PTPRT: variants seen among roughly 807,000 people sequenced by gnomAD.
PTPRT encodes receptor-type tyrosine-protein phosphatase T.
Under a neutral mutation model 176.8 loss-of-function variants are expected in PTPRT, and 56 were observed. That is an observed-to-expected ratio of 0.32 (90% CI 0.26 to 0.40). The LOEUF (loss-of-function observed/expected upper bound fraction) is 0.40. Among genes scored for constraint, PTPRT ranks in the 10% least tolerant of loss-of-function variants. The pLI is 1.00. For synonymous variants in PTPRT, 783 were observed against 739.0 expected (o/e 1.06, Z -0.96); for missense variants, 1,540 against 1,908.2 (o/e 0.81, Z 3.60).
intron 2 of PTPRT, among the ~76,000 whole-genome samples, chr20:42,835,951 C>G (rs552015054): frequency 1.3e-5 from 2 of 152,104 alleles, no homozygotes; most frequent in Admixed American, 6.5e-5. Context: ...AAGGTTTCTA[C>G]GAGATAGCAC....
At chr20:42,289,401 C>T (rs2057283147) in intron 12 of PTPRT, among the ~76,000 whole-genome samples, 1 of 151,644 alleles carries the variant, frequency 6.6e-6, no homozygotes, top group African/African-American at 2.4e-5. Flanking sequence ...GACTAGTATC[C>T]AGAATCTGTA....
chr20:42,449,603 T>C (rs6130133), intron 8 of PTPRT, among the ~76,000 whole-genome samples: 33,973 of 152,112 alleles, frequency 0.22, 3,866 homozygotes, highest in Middle Eastern at 0.32. Flanking sequence ...ATAAGAGAAC[T>C]GAGGCTGAGA....
chr20:42,194,707 C>A (rs984612214), intron 16 of PTPRT, among the ~76,000 whole-genome samples: 1 of 152,180 alleles, frequency 6.6e-6, no homozygotes, highest in African/African-American at 2.4e-5. Context: ...GCTAGCATTT[C>A]TCTAAATGGA....
intron 9 of PTPRT, among the ~76,000 whole-genome samples, chr20:42,424,014 T>C (rs764965576): frequency 6.6e-6 from 1 of 152,252 alleles, no homozygotes; most frequent in Non-Finnish European, 1.5e-5. Flanking sequence ...AACTAACTTT[T>C]TAAAACAAAT....
chr20:42,342,000 A>T (rs75273744), intron 11 of PTPRT, among the ~76,000 whole-genome samples: 3,277 of 152,336 alleles, frequency 0.022, 44 homozygotes, highest in Middle Eastern at 0.037. Flanking sequence ...GGAGCCTTAT[A>T]AAAGGGGACC....
At chr20:42,582,004 A>G (rs1441510549) in intron 7 of PTPRT, among the ~76,000 whole-genome samples, 3 of 152,226 alleles carry the variant, frequency 2.0e-5, no homozygotes, top group Admixed American at 6.5e-5. Flanking sequence ...AGGGGCTGGA[A>G]TGCTGGCTTT....
At chr20:42,094,150 CT>C (rs917954364) in intron 27 of PTPRT, among the ~76,000 whole-genome samples, 71 of 152,280 alleles carry the variant, frequency 4.7e-4, no homozygotes, top group African/African-American at 1.7e-3. Flanking sequence ...GAAAGTCATC[CT>C]CTGTGCCTGA....
intron 9 of PTPRT, among the ~76,000 whole-genome samples, chr20:42,422,619 C>T (rs1432084599): frequency 3.3e-5 from 5 of 152,158 alleles, no homozygotes; most frequent in African/African-American, 1.2e-4. Flanking sequence ...GTTAATTCAG[C>T]CATTGTGGAA....
intron 1 of PTPRT, among the ~76,000 whole-genome samples, chr20:43,086,801 T>C (rs2011617790): frequency 6.6e-6 from 1 of 152,080 alleles, no homozygotes; most frequent in Admixed American, 6.5e-5. Flanking sequence ...AACCGGGGGC[T>C]GGGAGGGAAG....
intron 2 of PTPRT, among the ~76,000 whole-genome samples, chr20:42,808,046 G>T (rs1196093218): frequency 6.6e-6 from 1 of 152,172 alleles, no homozygotes; most frequent in Non-Finnish European, 1.5e-5. Flanking sequence ...CTGCCTTTCT[G>T]AGAGCTGCAC....
In PTPRT at chr20:43,019,115, T is replaced by C. The variant is rs140427541; in HGVS notation, c.89-133183A>G. Among the ~76,000 whole-genome samples the C allele has an allele frequency of 3.3e-5, 5 of 152,340 alleles. 1 individual carries two copies. The highest frequency in any genetic ancestry group is 1.2e-4 in the African/African-American group (5 of 41,588). The stretch of plus-strand genomic sequence containing the variant: ...ATTATACTATATCTAGGTAATAGAA[T>C]ACAATACACTCAATAAAAGGAGTGA... On this transcript the variant is annotated intron_variant, in intron 1 of 30. Coordinates refer to ENST00000373187, the MANE Select transcript of PTPRT (RefSeq NM_007050.6).
chr20:42,065,466 A>G, the PTPRT span, among the ~76,000 whole-genome samples: 11 of 152,362 alleles, frequency 7.2e-5, no homozygotes, highest in Non-Finnish European at 1.0e-4. Flanking sequence ...AAGAACCACA[A>G]TGGTTTATTT....
intron 1 of PTPRT, among the ~76,000 whole-genome samples, chr20:42,890,471 A>T (rs949760069): frequency 6.6e-6 from 1 of 152,136 alleles, no homozygotes; most frequent in Non-Finnish European, 1.5e-5. Context: ...ATTGCAATGA[A>T]CCTTCCACTT....
rs1392865433 is a variant in PTPRT, at chr20:42,110,496, A to G, written c.3100-9T>C. The G allele has an allele frequency of 6.3e-7, 1 of 1,591,866 alleles. No individual in the cohort carries two copies. Among genetic ancestry groups the G allele is most frequent in the East Asian group, 2.2e-5 (1 of 44,546 alleles). ...ATCTCATGGTAGCCTTTCTGAGGAA[A>G]GAACGGGCCTCTGTTCTTCCAGCTG... On this transcript the variant is annotated splice_polypyrimidine_tract_variant and intron_variant, in intron 22 of 30. Coordinates refer to ENST00000373187, the MANE Select transcript of PTPRT (RefSeq NM_007050.6).
At chr20:42,434,865 T>G (rs1044037713) in intron 9 of PTPRT, among the ~76,000 whole-genome samples, 1 of 152,018 alleles carries the variant, frequency 6.6e-6, no homozygotes. Flanking sequence ...CTCAGGAGGC[T>G]GAGGCATAAG....
chr20:42,041,168 G>A, the PTPRT span, among the ~76,000 whole-genome samples: 3 of 152,160 alleles, frequency 2.0e-5, no homozygotes, highest in Non-Finnish European at 4.4e-5. Flanking sequence ...TAGATTGCTG[G>A]TGCTGAATAA....
intron 1 of PTPRT, among the ~76,000 whole-genome samples, chr20:42,930,023 G>A (rs1600567297): frequency 6.6e-6 from 1 of 152,182 alleles, no homozygotes; most frequent in African/African-American, 2.4e-5. Context: ...GCTGTAGGCG[G>A]CTGCCATTCA....
At chr20:42,179,293 A>C (rs1160198083) in intron 16 of PTPRT, among the ~76,000 whole-genome samples, 1 of 152,186 alleles carries the variant, frequency 6.6e-6, no homozygotes, top group African/African-American at 2.4e-5. Flanking sequence ...CACTTAATAA[A>C]AGTTTTTTAA....
chr20:42,074,147 C>T lies in PTPRT; in HGVS notation c.*6732G>A, dbSNP rs929373115. 2.2e-5 allele frequency: 5 copies of T among 228,086 alleles called. No homozygotes were observed. The highest frequency in any genetic ancestry group is 3.5e-5 in the Non-Finnish European group (4 of 114,830). 14.1% of individuals were successfully genotyped at this position (228,086 alleles called of 1,614,324 possible). A position where few individuals can be genotyped will look rare whatever the true frequency, so the allele number is the denominator to read the frequency against. Reference sequence around the variant, plus strand: ...TTACATGGAATGACACCACTCTGCCCTCTAAGCCTCCAGACTGCCCTGGGG... The same window carrying T: ...TTACATGGAATGACACCACTCTGCCTTCTAAGCCTCCAGACTGCCCTGGGG... On this transcript the variant is annotated 3_prime_UTR_variant, in exon 31 of 31. Transcript: ENST00000373187.
Sources: gnomAD v4.1 joint callset for allele counts (sites outside exome capture counted in the v4.1 genomes callset) on GRCh38, gnomAD v4.1.1 for gene constraint, MANE v1.5 for transcripts, NCBI Gene and HGNC (gene_info 2026-07-23, HGNC 2026-07-21) for gene names.